Variants in USF2 observed in about 807,000 individuals in gnomAD.
USF2 encodes upstream transcription factor 2, c-fos interacting.
USF2 carries 16 observed loss-of-function variants against 46.9 expected under a neutral mutation model. The ratio of observed to expected loss-of-function variants is 0.34; its 90% CI spans 0.23 to 0.52. The LOEUF (loss-of-function observed/expected upper bound fraction) is 0.52, where lower values mean the gene tolerates loss of function less well. Among genes scored for constraint, USF2 ranks in the 20% least tolerant of loss-of-function variants. The pLI is 0.96. For synonymous variants in USF2, 239 were observed against 194.1 expected (o/e 1.23, Z -1.92); for missense variants, 411 against 474.0 (o/e 0.87, Z 1.23).
At chr19:35,272,806 C>T (rs2066175946) in intron 7 of USF2, among the ~76,000 whole-genome samples, 1 of 151,984 alleles carries the variant, frequency 6.6e-6, no homozygotes, top group Non-Finnish European at 1.5e-5. Flanking sequence ...CTGAACTCCC[C>T]TCCATGCTTG....
At chr19:35,270,189 T>TC (rs2066129690) in intron 4 of USF2, 186 bp downstream of exon 4, 1 of 927,082 alleles carries the variant, frequency 1.1e-6, no homozygotes, top group African/African-American at 1.7e-5. Context: ...CTTGGAATTT[T>TC]TTTTTCCCGC....
chr19:35,279,507 C>T lies in USF2; in HGVS notation c.*251C>T, dbSNP rs1043400711. ...CCTTCTCCCGGCCCTCACTAAGCCC[C>T]GGCACTTCTAGTGGTCTCACCTGGA... is the stretch of plus-strand genomic sequence containing the variant. On this transcript the variant is annotated 3_prime_UTR_variant, in exon 10 of 10. Transcript: ENST00000222305. 2.3e-5 allele frequency: 11 copies of T among 471,286 alleles called. No homozygotes were observed. The highest frequency in any genetic ancestry group is 5.4e-4 in the Middle Eastern group (1 of 1,836). 29.2% of individuals were successfully genotyped at this position (471,286 alleles called of 1,614,324 possible). A position where few individuals can be genotyped will look rare whatever the true frequency, so the allele number is the denominator to read the frequency against.
In USF2 at chr19:35,269,631, G is replaced by A; in HGVS notation, c.160G>A (p.Val54Ile). 1 of 1,595,372 alleles carries A rather than the reference G, an allele frequency of 6.3e-7. No homozygotes were observed. The highest frequency in any genetic ancestry group is 8.5e-7 in the Non-Finnish European group (1 of 1,171,560). The change falls in exon 3 of 10, where the codon GTC (valine) becomes ATC (isoleucine). Residue 54 changes from valine to isoleucine, a missense_variant. Val to Ile is a conservative substitution (Grantham distance 29). Coordinates refer to ENST00000222305, the MANE Select transcript of USF2 (RefSeq NM_003367.4). ...GCAGACAGCGGTGGCCATCACCAGC[G>A]TCCAGCAGGCGGCGTTCGGCGACCA... ...EEQTAVAITS[V>I]QQAAFGDHNI...
At chr19:35,279,133 C>T (rs2066275838) in intron 9 of USF2, 34 bp from the exon 10 acceptor site, 1 of 1,611,958 alleles carries the variant, frequency 6.2e-7, no homozygotes, top group Non-Finnish European at 8.5e-7. Context: ...AGGCGCTGGC[C>T]CTCAGCTCCC....
chr19:35,271,520 C>G (rs1454830270), intron 7 of USF2, among the ~76,000 whole-genome samples: 1 of 152,182 alleles, frequency 6.6e-6, no homozygotes, highest in Non-Finnish European at 1.5e-5. Flanking sequence ...TCCCGCACTC[C>G]CATGCCTGCC....
intron 7 of USF2, among the ~76,000 whole-genome samples, chr19:35,271,754 C>G (rs1301597373): frequency 6.6e-6 from 1 of 152,266 alleles, no homozygotes; most frequent in African/African-American, 2.4e-5. Context: ...TACACCCAAA[C>G]AACCATCATT....
chr19:35,275,847 TG>T (rs1214545854), intron 7 of USF2: 3 of 152,244 alleles, frequency 2.0e-5, no homozygotes, highest in African/African-American at 7.2e-5. Context: ...CGGAAGCTTC[TG>T]GGGCATTGAC....
At chr19:35,270,270 G>C in intron 4 of USF2, 177 bp from the exon 5 acceptor site, 2 of 1,020,732 alleles carry the variant, frequency 2.0e-6, no homozygotes, top group Non-Finnish European at 2.8e-6. Context: ...GCAAGTGATC[G>C]CTGACCTCCC....
chr19:35,272,620 GT>G (rs950360516), intron 7 of USF2, among the ~76,000 whole-genome samples: 193 of 152,142 alleles, frequency 1.3e-3, no homozygotes, highest in African/African-American at 4.5e-3. Flanking sequence ...GGCTCCTGTG[GT>G]TTTATTCCAG....
In USF2 at chr19:35,269,439, C is replaced by G. The variant is rs539849325; in HGVS notation, c.63-7C>G. On this transcript the variant is annotated splice_polypyrimidine_tract_variant and splice_region_variant and intron_variant, in intron 1 of 9. Coordinates refer to ENST00000222305, the MANE Select transcript of USF2 (RefSeq NM_003367.4). ...GCTGACCCTGCTCCCTCCTGTGCCC[C>G]TGGCAGCCACGACAAGGGACCCGAG... 11 of 1,524,554 alleles carry G rather than the reference C, an allele frequency of 7.2e-6. No homozygotes were observed. Among genetic ancestry groups the G allele is most frequent in the African/African-American group, 5.8e-5 (4 of 69,528 alleles). 94.4% of individuals were successfully genotyped at this position (1,524,554 alleles called of 1,614,324 possible). A position where few individuals can be genotyped will look rare whatever the true frequency, so the allele number is the denominator to read the frequency against.
chr19:35,269,795 C>A lies in USF2; in HGVS notation c.229-8C>A. 1 of 1,492,532 alleles carries A rather than the reference C, an allele frequency of 6.7e-7. No homozygotes were observed. Among genetic ancestry groups the A allele is most frequent in the Non-Finnish European group, 8.9e-7 (1 of 1,125,418 alleles). 92.5% of individuals were successfully genotyped at this position (1,492,532 alleles called of 1,614,324 possible). Reference sequence around the variant, plus strand: ...GCGCCGGCCTCGCCGCTCTGCCGCCCCCTGCAGGTGACATACCGCGTAGTC... The same window carrying A: ...GCGCCGGCCTCGCCGCTCTGCCGCCACCTGCAGGTGACATACCGCGTAGTC... On this transcript the variant is annotated splice_polypyrimidine_tract_variant and splice_region_variant and intron_variant, in intron 3 of 9. Transcript: ENST00000222305.
chr19:35,277,948 T>C (rs1362268216), intron 7 of USF2: 2 of 152,266 alleles, frequency 1.3e-5, no homozygotes, highest in Non-Finnish European at 2.9e-5. Context: ...GCTGACACAG[T>C]TGGCATGAGA....
Position 35,279,174 on chromosome 19 carries a change from A to G in USF2, c.959A>G (p.Glu320Gly), listed in dbSNP as rs1478059671. The change falls in exon 10 of 10, where the codon GAG (glutamate) becomes GGG (glycine). Residue 320 changes from glutamate to glycine, a missense_variant. This residue lies in a region of USF2 where 93 missense variants were observed against 151.6 expected (regional missense o/e 0.61). Transcript: ENST00000222305. ...DNELLRQQIE[E>G]LKNENALLRA... ...CTCCGTCGTGTCCGCCAGATCGAGGAGCTGAAGAATGAGAACGCCCTGCTT... is the reference window on the plus strand; with the variant it reads ...CTCCGTCGTGTCCGCCAGATCGAGGGGCTGAAGAATGAGAACGCCCTGCTT... 1 of 1,608,696 alleles carries G rather than the reference A, an allele frequency of 6.2e-7. No individual in the cohort carries two copies. The highest frequency in any genetic ancestry group is 1.3e-5 in the African/African-American group (1 of 74,766).
Position 35,270,198 on chromosome 19 carries a change from G to A in USF2, c.429+195G>A, listed in dbSNP as rs117832846. The A allele has an allele frequency of 3.5e-3, 3,041 of 881,078 alleles. 84 individuals are homozygous for A. In the South Asian group the frequency reaches 0.036, roughly 10 times the overall value. 54.6% of individuals were successfully genotyped at this position (881,078 alleles called of 1,614,324 possible). The stretch of plus-strand genomic sequence containing the variant: ...AGTGCTCTTGGAATTTTTTTTTCCC[G>A]CAAAATGGGAATGATGTGTCTTAAG... On this transcript the variant is annotated intron_variant, in intron 4 of 9. Coordinates refer to ENST00000222305, the MANE Select transcript of USF2 (RefSeq NM_003367.4).
intron 7 of USF2, among the ~76,000 whole-genome samples, chr19:35,276,618 C>T (rs1254816689): frequency 6.6e-6 from 1 of 152,186 alleles, no homozygotes; most frequent in Non-Finnish European, 1.5e-5. Flanking sequence ...CCTTTTCCCA[C>T]CCCTGCATAC....
chr19:35,270,386 G>C (rs1476000127), intron 4 of USF2, 61 bp from the exon 5 acceptor site: 1 of 1,573,160 alleles, frequency 6.4e-7, no homozygotes, highest in East Asian at 2.2e-5. Flanking sequence ...GCACAGCAAT[G>C]AGGGGACGGG....
chr19:35,274,986 G>C (rs1272039340), intron 7 of USF2: 1 of 152,198 alleles, frequency 6.6e-6, no homozygotes, highest in Non-Finnish European at 1.5e-5. Context: ...TGCCAGATTA[G>C]ATTGCTTTTT....
chr19:35,273,656 C>T (rs10421096), intron 7 of USF2, among the ~76,000 whole-genome samples: 25,773 of 152,166 alleles, frequency 0.17, 2,565 homozygotes, highest in Middle Eastern at 0.22. Context: ...CTCCCAGGCT[C>T]AAGCGATCCT....
At position 35,270,218 on chromosome 19, in the gene USF2, C is replaced by T. The variant is rs113867458; in HGVS notation, c.429+215C>T. The T allele has an allele frequency of 8.6e-5, 76 of 881,992 alleles. No homozygotes were observed. The African/African-American group carries it at 9.9e-4, about 11-fold the overall frequency. 54.6% of individuals were successfully genotyped at this position (881,992 alleles called of 1,614,324 possible). A position where few individuals can be genotyped will look rare whatever the true frequency, so the allele number is the denominator to read the frequency against. Reference sequence around the variant, plus strand: ...TTCCCGCAAAATGGGAATGATGTGTCTTAAGAGGAAAGTTTCTTAGAGTGC... The same window carrying T: ...TTCCCGCAAAATGGGAATGATGTGTTTTAAGAGGAAAGTTTCTTAGAGTGC... On this transcript the variant is annotated intron_variant, in intron 4 of 9. Transcript: ENST00000222305.
Sources: gnomAD v4.1 joint callset for allele counts (sites outside exome capture counted in the v4.1 genomes callset) on GRCh38, gnomAD v4.1.1 for gene constraint, gnomAD v4.1.1 regional missense constraint, MANE v1.5 for transcripts, NCBI Gene and HGNC (gene_info 2026-07-23, HGNC 2026-07-21) for gene names.